Variants in MYH11 observed in about 807,000 individuals in gnomAD.
The protein encoded by MYH11 is myosin heavy chain 11.
A neutral mutation model predicts 246.6 loss-of-function variants in MYH11; 80 were observed. The observed-to-expected ratio is 0.32, with a 90% CI of 0.27 to 0.39. The LOEUF is 0.39. MYH11 is among the 10% of genes least tolerant of loss of function. The pLI is 1.00. For missense variants in MYH11, 2,158 were observed against 2,546.8 expected (o/e 0.85, Z 3.29); for synonymous variants, 1,071 against 1,015.5 (o/e 1.05, Z -1.04).
chr16:15,811,055 C>G (rs1458715555), intron 3 of MYH11, among the ~76,000 whole-genome samples: 1 of 152,042 alleles, frequency 6.6e-6, no homozygotes, highest in Non-Finnish European at 1.5e-5. Context: ...GAGGTGGGGC[C>G]TTTGGGAGGT....
At chr16:15,739,805 G>A (rs749199511) in intron 23 of MYH11, among the ~76,000 whole-genome samples, 1 of 151,024 alleles carries the variant, frequency 6.6e-6, no homozygotes. Flanking sequence ...GCAGTGGCAC[G>A]ATCTCAGCTC....
chr16:15,799,873 T>C (rs1027948989), intron 3 of MYH11, among the ~76,000 whole-genome samples: 1 of 152,160 alleles, frequency 6.6e-6, no homozygotes, highest in African/African-American at 2.4e-5. Context: ...TACTGGCACA[T>C]AGATGGTAGG....
At chr16:15,780,445 C>T (rs1445980715) in intron 6 of MYH11, among the ~76,000 whole-genome samples, 1 of 147,182 alleles carries the variant, frequency 6.8e-6, no homozygotes, top group African/African-American at 2.5e-5. Flanking sequence ...AGGCTTAGAA[C>T]CTAACCTTTA....
intron 4 of MYH11, among the ~76,000 whole-genome samples, chr16:15,790,245 C>T (rs1016600419): frequency 1.3e-5 from 2 of 152,058 alleles, no homozygotes; most frequent in East Asian, 3.9e-4. Context: ...GCGGAGATTA[C>T]AGTGAGCTGA....
chr16:15,737,367 A>C (rs1567714279), intron 25 of MYH11, 82 bp downstream of exon 25: 28 of 1,579,080 alleles, frequency 1.8e-5, no homozygotes, highest in Non-Finnish European at 2.4e-5. Flanking sequence ...CTTGACCAAG[A>C]CAGCCACTGC....
Position 15,838,039 on chromosome 16 carries a change from C to T in MYH11, c.214G>A (p.Gly72Arg), listed in dbSNP as rs2043948568. The change falls in exon 2 of 41, where the codon GGG (glycine) becomes AGG (arginine). Residue 72 changes from glycine (G) to arginine (R), a missense_variant. Transcript: ENST00000300036. ...LVENGKKVTV[G>R]KDDIQKMNPP... ...TTCATCTTCTGGATGTCATCTTTCC[C>T]AACCGTGACCTTCTTGCCATTCTCC... 1.9e-6 allele frequency: 3 copies of T among 1,614,004 alleles called. No homozygotes were observed. The highest frequency in any genetic ancestry group is 1.3e-5 in the African/African-American group (1 of 74,902).
chr16:15,719,839 A>G, intron 34 of MYH11, 126 bp from the exon 35 acceptor site: 2 of 1,365,202 alleles, frequency 1.5e-6, no homozygotes, highest in Non-Finnish European at 2.1e-6. Context: ...TTCCCATTGC[A>G]CGAGCATGGC....
intron 10 of MYH11, among the ~76,000 whole-genome samples, chr16:15,762,456 A>T (rs1283610993): frequency 6.6e-6 from 1 of 152,168 alleles, no homozygotes; most frequent in Non-Finnish European, 1.5e-5. Flanking sequence ...TGGGGATAAC[A>T]TCACTATTGT....
Position 15,837,942 on chromosome 16 carries a change from T to C in MYH11, c.311A>G (p.Asn104Ser). Residue 104 changes from asparagine (N) to serine (S), a missense_variant, in exon 2 of 41, where the codon AAC becomes AGC. This residue lies in a region of MYH11 where 36 missense variants were observed against 73.9 expected (regional missense o/e 0.49). Transcript: ENST00000300036. ...TCLNEASVLH[N>S]LRERYFSGLI... is the part of the protein sequence containing the mutation. ...CCCTGAGAAGTACCGCTCCCTCAGGTTGTGTAGCACGGAGGCTTCGTTGAG... is the reference window on the plus strand; with the variant it reads ...CCCTGAGAAGTACCGCTCCCTCAGGCTGTGTAGCACGGAGGCTTCGTTGAG... 1.2e-6 allele frequency: 2 copies of C among 1,614,020 alleles called. No homozygotes were observed. The highest frequency in any genetic ancestry group is 1.7e-5 in the Admixed American group (1 of 60,006).
chr16:15,807,769 C>CGGATG (rs2043048566), intron 3 of MYH11, among the ~76,000 whole-genome samples: 1 of 152,152 alleles, frequency 6.6e-6, no homozygotes, highest in Non-Finnish European at 1.5e-5. Context: ...CACCCAGCCT[C>CGGATG]GGATGTGTAA....
rs1013512621 is a variant in MYH11, at chr16:15,726,846, A to ACCTG, written c.3856_3858+1dup. 11 of 1,611,080 alleles carry ACCTG rather than the reference A, an allele frequency of 6.8e-6. No individual in the cohort carries two copies. The highest frequency in any genetic ancestry group is 8.5e-6 in the Non-Finnish European group (10 of 1,179,830). On this transcript the variant is annotated splice_donor_variant, in intron 28 of 40. Coordinates refer to ENST00000300036, the MANE Select transcript of MYH11 (RefSeq NM_002474.3). LOFTEE classifies it high-confidence loss of function. ...CACCACACCACCGCGCCACCTCCTCACCTGCAGCTTGTGGACTTTGTCATT... is the reference window on the plus strand; with the variant it reads ...CACCACACCACCGCGCCACCTCCTCACCTGCCTGCAGCTTGTGGACTTTGTCATT...
chr16:15,761,106 GTTTA>G (rs937991835), intron 10 of MYH11, among the ~76,000 whole-genome samples: 1 of 152,030 alleles, frequency 6.6e-6, no homozygotes, highest in East Asian at 1.9e-4. Context: ...TTATTTATTT[GTTTA>G]TTTATTTATT....
chr16:15,765,849 C>T (rs1374711445), intron 9 of MYH11, among the ~76,000 whole-genome samples: 1 of 152,214 alleles, frequency 6.6e-6, no homozygotes, highest in Non-Finnish European at 1.5e-5. Context: ...TCTTTGTAAA[C>T]TATGAAGAGT....
At position 15,850,639 on chromosome 16, in the gene MYH11, G is replaced by A. The variant is rs141422634; in HGVS notation, c.-18+6302C>T. On this transcript the variant is annotated intron_variant, in intron 1 of 40. Transcript: ENST00000300036. ...GGGTTCAGCACTGTGGCTCACGTCT[G>A]TAATCCCAACACTGGGAGGCCAAGG... Among the ~76,000 whole-genome samples, 1,094 of 152,212 alleles carry A rather than the reference G, an allele frequency of 7.2e-3. 4 individuals carry two copies. Among genetic ancestry groups the A allele is most frequent in the Middle Eastern group, 0.02 (6 of 294 alleles).
chr16:15,776,667 A>C (rs144625507), intron 7 of MYH11, among the ~76,000 whole-genome samples: 1 of 152,338 alleles, frequency 6.6e-6, no homozygotes, highest in East Asian at 1.9e-4. Flanking sequence ...CTCAGAGAAG[A>C]GAAGTCCTTT....
chr16:15,804,258 C>A lies in MYH11; in HGVS notation c.503-5571G>T, dbSNP rs143589954. ...TAAAGTGAATAATTCAAGCCAGGTG[C>A]GGTGGCTTATGCCTGTAATCCCAGC... is the stretch of plus-strand genomic sequence containing the variant. On this transcript the variant is annotated intron_variant, in intron 3 of 40. Transcript: ENST00000300036. Among the ~76,000 whole-genome samples, 17 of 152,248 alleles carry A rather than the reference C, an allele frequency of 1.1e-4. No homozygotes were observed. The South Asian group carries it at 3.3e-3, about 30-fold the overall frequency.
Position 15,735,353 on chromosome 16 carries a change from A to T in MYH11, c.3506+13T>A. ...GTGGGATAGCAGGATGGTGGGATTG[A>T]TGGGCCCCTCACCTGAGCTCCTGCT... On this transcript the variant is annotated intron_variant, in intron 26 of 40. Transcript: ENST00000300036. The T allele has an allele frequency of 6.2e-7, 1 of 1,613,036 alleles. No individual in the cohort carries two copies.
chr16:15,727,455 C>T (rs371662789), intron 27 of MYH11, among the ~76,000 whole-genome samples: 1 of 152,076 alleles, frequency 6.6e-6, no homozygotes, highest in East Asian at 1.9e-4. Flanking sequence ...CCCATCTTGG[C>T]CTCCCTAAGT....
Position 15,703,890 on chromosome 16 carries a change from C to T in MYH11, c.*101G>A. On this transcript the variant is annotated 3_prime_UTR_variant, in exon 41 of 41. Transcript: ENST00000300036. The stretch of plus-strand genomic sequence containing the variant: ...GGATTTAGACAATGCTAAGTACAGT[C>T]TGCTGGGTTTTGCTTTGTTCTGGGT... 6.8e-7 allele frequency: 1 copy of T among 1,473,914 alleles called. No homozygotes were observed. The highest frequency in any genetic ancestry group is 9.5e-7 in the Non-Finnish European group (1 of 1,056,428). 91.3% of individuals were successfully genotyped at this position (1,473,914 alleles called of 1,614,324 possible). A position where few individuals can be genotyped will look rare whatever the true frequency, so the allele number is the denominator to read the frequency against.
Sources: allele counts gnomAD v4.1 joint callset (sites outside exome capture counted in the v4.1 genomes callset), GRCh38; gene constraint gnomAD v4.1.1; regional missense constraint gnomAD v4.1.1; transcripts MANE v1.5; gene names NCBI Gene and HGNC (gene_info 2026-07-23, HGNC 2026-07-21).